Variants in TPST2 observed in about 807,000 individuals in gnomAD.
TPST2 encodes tyrosylprotein sulfotransferase 2.
A neutral mutation model predicts 27.8 loss-of-function variants in TPST2; 16 were observed. That is an observed-to-expected ratio of 0.58 (90% CI 0.39 to 0.88). TPST2 has a LOEUF of 0.88. Ranked by LOEUF, TPST2 falls within the 40% of genes least tolerant of loss-of-function variation. TPST2 has a pLI of 0.00. For synonymous variants in TPST2, 229 were observed against 231.7 expected (o/e 0.99, Z 0.10); for missense variants, 464 against 543.1 (o/e 0.85, Z 1.45).
In TPST2 at chr22:26,524,223, AAG is replaced by A. The variant is rs1924704374; in HGVS notation, c.*2050_*2051del. On this transcript the variant is annotated 3_prime_UTR_variant, in exon 7 of 7. Coordinates refer to ENST00000338754, the MANE Select transcript of TPST2 (RefSeq NM_003595.5). ...GAGCAATCTCAAGACAAGGAAAAAT[AAG>A]AGCTGCTTCACACTGAGGGCTTATC... The A allele has an allele frequency of 6.6e-6, 1 of 152,064 alleles. No homozygotes were observed. The highest frequency in any genetic ancestry group is 2.1e-4 in the South Asian group (1 of 4,824). 9.4% of individuals were successfully genotyped at this position (152,064 alleles called of 1,614,324 possible). A position where few individuals can be genotyped will look rare whatever the true frequency, so the allele number is the denominator to read the frequency against.
At chr22:26,569,014 C>T (rs1419445832) in intron 1 of TPST2, among the ~76,000 whole-genome samples, 2 of 152,100 alleles carry the variant, frequency 1.3e-5, no homozygotes, top group Admixed American at 6.5e-5. Flanking sequence ...CAGGCGCCCA[C>T]CACCACGCTC....
chr22:26,566,121 G>A (rs1927366814), intron 1 of TPST2, among the ~76,000 whole-genome samples: 1 of 152,188 alleles, frequency 6.6e-6, no homozygotes, highest in African/African-American at 2.4e-5. Context: ...GGGCATGAAG[G>A]TTAATAAACT....
chr22:26,525,124 C>T lies in TPST2; in HGVS notation c.*1151G>A, dbSNP rs1012476398. The T allele has an allele frequency of 1.3e-5, 2 of 152,212 alleles. No homozygotes were observed. Among genetic ancestry groups the T allele is most frequent in the Non-Finnish European group, 2.9e-5 (2 of 68,052 alleles). The allele number at this position is 152,212 out of a possible 1,614,324, so 9.4% of individuals were successfully genotyped here. A position where few individuals can be genotyped will look rare whatever the true frequency, so the allele number is the denominator to read the frequency against. ...TGGTAATATTTAGTACGTGTTGTCA[C>T]ATATCATTGCTGGGAAAATTAAGTG... On this transcript the variant is annotated 3_prime_UTR_variant, in exon 7 of 7. Coordinates refer to ENST00000338754, the MANE Select transcript of TPST2 (RefSeq NM_003595.5).
intron 1 of TPST2, among the ~76,000 whole-genome samples, chr22:26,562,629 C>CTTTTCT (rs747725451): frequency 3.7e-5 from 4 of 108,292 alleles, no homozygotes; most frequent in South Asian, 2.7e-4. Flanking sequence ...CTTTTCTTTT[C>CTTTTCT]TTTTTTTTTT....
chr22:26,549,312 T>C (rs1408699839), intron 1 of TPST2, among the ~76,000 whole-genome samples: 1 of 152,148 alleles, frequency 6.6e-6, no homozygotes. Flanking sequence ...AGTTTCCAAA[T>C]GCGGTTCTGC....
chr22:26,542,806 G>A (rs767065124), intron 2 of TPST2, among the ~76,000 whole-genome samples: 22 of 152,228 alleles, frequency 1.4e-4, no homozygotes, highest in Non-Finnish European at 2.2e-4. Context: ...CTTAGTGAAC[G>A]GAGGGTTTGG....
chr22:26,577,817 C>G (rs894832308), intron 1 of TPST2, among the ~76,000 whole-genome samples: 2 of 151,660 alleles, frequency 1.3e-5, no homozygotes, highest in African/African-American at 2.4e-5. Context: ...AGCCACCATG[C>G]CTGGCTAATT....
intron 1 of TPST2, among the ~76,000 whole-genome samples, chr22:26,575,507 C>T (rs1365439290): frequency 6.6e-6 from 1 of 152,188 alleles, no homozygotes; most frequent in African/African-American, 2.4e-5. Flanking sequence ...ACTATCATTT[C>T]TATACCTCCC....
chr22:26,576,209 C>T (rs991326409), intron 1 of TPST2, among the ~76,000 whole-genome samples: 16 of 152,116 alleles, frequency 1.1e-4, no homozygotes, highest in Admixed American at 8.5e-4. Context: ...GGGCTCCACC[C>T]CATATGCCTT....
chr22:26,552,082 T>A (rs1475604919), intron 1 of TPST2, among the ~76,000 whole-genome samples: 1 of 151,864 alleles, frequency 6.6e-6, no homozygotes, highest in Non-Finnish European at 1.5e-5. Context: ...CTTAATACAT[T>A]GTCCAGGCTG....
At chr22:26,547,478 C>T (rs918547994) in intron 1 of TPST2, 1 of 152,118 alleles carries the variant, frequency 6.6e-6, no homozygotes, top group African/African-American at 2.4e-5. Flanking sequence ...GCTTTCCATG[C>T]CCTACCTGGT....
intron 1 of TPST2, among the ~76,000 whole-genome samples, chr22:26,577,012 T>A (rs566171195): frequency 6.8e-6 from 1 of 148,140 alleles, no homozygotes; most frequent in African/African-American, 2.5e-5. Context: ...AGGAGAATGG[T>A]GTGAACCCGG....
At chr22:26,576,122 A>G (rs1338832870) in intron 1 of TPST2, among the ~76,000 whole-genome samples, 1 of 152,226 alleles carries the variant, frequency 6.6e-6, no homozygotes, top group Admixed American at 6.5e-5. Context: ...CTAAATGGCA[A>G]AACACAGACA....
chr22:26,552,253 G>A (rs1375186423), intron 1 of TPST2, among the ~76,000 whole-genome samples: 2 of 152,234 alleles, frequency 1.3e-5, no homozygotes, highest in East Asian at 1.9e-4. Context: ...ACTAAGGAAC[G>A]CGTGGTCCGG....
At chr22:26,562,122 C>A (rs190584872) in intron 1 of TPST2, among the ~76,000 whole-genome samples, 3 of 152,218 alleles carry the variant, frequency 2.0e-5, no homozygotes, top group Non-Finnish European at 4.4e-5. Context: ...GGAGGCCCAG[C>A]GGCCCGGCGG....
chr22:26,570,823 T>C (rs1418361925), intron 1 of TPST2, among the ~76,000 whole-genome samples: 3 of 151,872 alleles, frequency 2.0e-5, no homozygotes, highest in Non-Finnish European at 4.4e-5. Flanking sequence ...CAGCTTTGAT[T>C]CTTCTTTCTC....
chr22:26,555,837 G>C (rs1029397882), intron 1 of TPST2, among the ~76,000 whole-genome samples: 1 of 152,222 alleles, frequency 6.6e-6, no homozygotes, highest in African/African-American at 2.4e-5. Flanking sequence ...CCCTGTGGGG[G>C]AGACAGCCCC....
rs563353367 is a variant in TPST2 at position 26,555,903 on chromosome 22, T to A, written c.-160-11228A>T. 2.0e-5 allele frequency among the ~76,000 whole-genome samples: 3 copies of A among 152,336 alleles called. No homozygotes were observed. In the South Asian group the frequency reaches 6.2e-4, roughly 32 times the overall value. ...GAGGCGGAATGGGCTGCTCACACTC[T>A]GCTCACACTCACACAGCAGGTGCAG... On this transcript the variant is annotated intron_variant, in intron 1 of 6. Transcript: ENST00000338754.
At chr22:26,531,164 G>A (rs1333431317) in intron 5 of TPST2, among the ~76,000 whole-genome samples, 1 of 152,162 alleles carries the variant, frequency 6.6e-6, no homozygotes, top group Non-Finnish European at 1.5e-5. Flanking sequence ...GCTCAGGAGG[G>A]CTGCCCTGCA....
Sources: gnomAD v4.1 joint callset for allele counts (sites outside exome capture counted in the v4.1 genomes callset) on GRCh38, gnomAD v4.1.1 for gene constraint, MANE v1.5 for transcripts, NCBI Gene and HGNC (gene_info 2026-07-23, HGNC 2026-07-21) for gene names.